SLC4A5: variants seen among roughly 807,000 people sequenced by gnomAD.
SLC4A5 encodes solute carrier family 4 member 5.
SLC4A5 carries 96 observed loss-of-function variants against 120.4 expected under a neutral mutation model. The ratio of observed to expected loss-of-function variants is 0.80; its 90% CI spans 0.68 to 0.94. The LOEUF is 0.94. Ranked by LOEUF, SLC4A5 falls within the 40% of genes least tolerant of loss-of-function variation. The pLI, the probability that SLC4A5 is intolerant of heterozygous loss-of-function variation, is 0.00. For synonymous variants in SLC4A5, 550 were observed against 571.1 expected (o/e 0.96, Z 0.53); for missense variants, 1,259 against 1,459.5 (o/e 0.86, Z 2.24).
intron 14 of SLC4A5, among the ~76,000 whole-genome samples, chr2:74,253,661 C>G (rs1173684947): frequency 6.6e-6 from 1 of 151,866 alleles, no homozygotes; most frequent in Non-Finnish European, 1.5e-5. Flanking sequence ...CATAAACACA[C>G]TCTTTGAGGC....
At chr2:74,273,662 C>A (rs1367059378) in intron 8 of SLC4A5, among the ~76,000 whole-genome samples, 1 of 152,200 alleles carries the variant, frequency 6.6e-6, no homozygotes, top group African/African-American at 2.4e-5. Context: ...GTAAGTTTTC[C>A]TTCAATATCC....
At chr2:74,329,732 T>C (rs548821926) in intron 4 of SLC4A5, among the ~76,000 whole-genome samples, 1 of 151,492 alleles carries the variant, frequency 6.6e-6, no homozygotes, top group East Asian at 2.0e-4. Context: ...GTATGGGGTA[T>C]AGATGGAGGT....
rs748816642 is a variant in SLC4A5, at chr2:74,259,514, A to G, written c.867+74T>C. The G allele has an allele frequency of 1.0e-4, 149 of 1,491,182 alleles. 1 individual carries two copies. The highest frequency in any genetic ancestry group is 1.4e-4 in the Non-Finnish European group (148 of 1,068,618). 92.4% of individuals were successfully genotyped at this position (1,491,182 alleles called of 1,614,324 possible). A position where few individuals can be genotyped will look rare whatever the true frequency, so the allele number is the denominator to read the frequency against. ...AGGAGTGGAACTCTGCCCATAGGGG[A>G]TCCCTGCTCCTGAAACCAAAGACTT... On this transcript the variant is annotated intron_variant, in intron 12 of 30. Transcript: ENST00000394019.
rs766847240 is a variant in SLC4A5 at position 74,230,288 on chromosome 2, A to G, written c.2847+948T>C. 4.1e-4 allele frequency among the ~76,000 whole-genome samples: 62 copies of G among 152,106 alleles called. 1 individual carries two copies. Among genetic ancestry groups the G allele is most frequent in the Non-Finnish European group, 1.6e-4 (11 of 68,010 alleles). On this transcript the variant is annotated intron_variant, in intron 25 of 30. Coordinates refer to ENST00000394019, the Ensembl canonical transcript of SLC4A5. ...TGATGGGCGATTGGCTGGAGTGGAG[A>G]GCAGGGAAGCCTGGTGGGAACACCT... is the stretch of plus-strand genomic sequence containing the variant.
At position 74,235,093 on chromosome 2, in the gene SLC4A5, G is replaced by A. The variant is rs771771754; in HGVS notation, c.2433+8C>T. 6.2e-7 allele frequency: 1 copy of A among 1,611,060 alleles called. No homozygotes were observed. The highest frequency in any genetic ancestry group is 1.1e-5 in the South Asian group (1 of 90,916). On this transcript the variant is annotated splice_region_variant and intron_variant, in intron 22 of 30. Coordinates refer to ENST00000394019, the Ensembl canonical transcript of SLC4A5. ...ACTGGATGCCCAGAGCGAGGGAAAGGGGCAAACCTTGATGACACTGGGCAC... is the reference window on the plus strand; with the variant it reads ...ACTGGATGCCCAGAGCGAGGGAAAGAGGCAAACCTTGATGACACTGGGCAC...
In SLC4A5 at chr2:74,244,108, C is replaced by G. The variant is rs116086609; in HGVS notation, c.2060-2056G>C. ...AAAGAAACCCTCCACAGTTCTCCCC[C>G]CTCATCCCAGTCTCCTAAATGTGTA... On this transcript the variant is annotated intron_variant, in intron 19 of 30. Coordinates refer to ENST00000394019, the Ensembl canonical transcript of SLC4A5. 7.3e-3 allele frequency among the ~76,000 whole-genome samples: 1,111 copies of G among 152,338 alleles called. 8 individuals are homozygous for G. The highest frequency in any genetic ancestry group is 0.024 in the Middle Eastern group (7 of 294).
At chr2:74,276,981 G>A (rs1671662735) in intron 8 of SLC4A5, among the ~76,000 whole-genome samples, 1 of 152,162 alleles carries the variant, frequency 6.6e-6, no homozygotes, top group Non-Finnish European at 1.5e-5. Context: ...CAGAAGCAGA[G>A]AGAAAGAGGA....
At chr2:74,324,566 T>A (rs1284772517) in intron 5 of SLC4A5, among the ~76,000 whole-genome samples, 1 of 152,168 alleles carries the variant, frequency 6.6e-6, no homozygotes, top group East Asian at 1.9e-4. Context: ...AAACCTCTAT[T>A]TTAAGAAAGT....
chr2:74,263,565 C>T (rs1291977787), intron 10 of SLC4A5, among the ~76,000 whole-genome samples: 3 of 152,196 alleles, frequency 2.0e-5, no homozygotes, highest in Non-Finnish European at 4.4e-5. Flanking sequence ...CAACAAGCCA[C>T]TCTCTCTAAA....
At chr2:74,247,084 G>T in exon 19 of SLC4A5, 1 of 1,614,172 alleles carries the variant, frequency 6.2e-7, no homozygotes, top group Non-Finnish European at 8.5e-7. Context: ...ATGAAGTTTG[G>T]CTTGAAGTCC....
chr2:74,262,277 G>C (rs1671164155), intron 10 of SLC4A5, 45 bp from the exon 11 acceptor site: 1 of 1,553,060 alleles, frequency 6.4e-7, no homozygotes, highest in Non-Finnish European at 8.9e-7. Flanking sequence ...AGCCTTGCTG[G>C]TGTAGCGAAG....
intron 19 of SLC4A5, among the ~76,000 whole-genome samples, chr2:74,242,285 C>T (rs144780427): frequency 1.9e-4 from 29 of 152,340 alleles, no homozygotes; most frequent in Non-Finnish European, 3.8e-4. Flanking sequence ...CCTGCCTGAC[C>T]ACGAACAGCT....
intron 23 of SLC4A5, 35 bp from the exon 24 acceptor site, chr2:74,232,682 TG>T (rs1558868817): frequency 7.5e-6 from 12 of 1,603,942 alleles, no homozygotes; most frequent in East Asian, 4.5e-5. Flanking sequence ...GAGAAGTTTC[TG>T]GGGAGCCAGT....
intron 6 of SLC4A5, among the ~76,000 whole-genome samples, chr2:74,306,035 T>C (rs1672633355): frequency 6.6e-6 from 1 of 152,158 alleles, no homozygotes; most frequent in African/African-American, 2.4e-5. Flanking sequence ...CAACCCCCTT[T>C]TTACTTACTA....
chr2:74,246,077 T>C (rs1173102251), intron 19 of SLC4A5, among the ~76,000 whole-genome samples: 3 of 152,204 alleles, frequency 2.0e-5, no homozygotes, highest in African/African-American at 7.2e-5. Context: ...CTGGGCACTC[T>C]GGGCACATCC....
intron 12 of SLC4A5, 84 bp downstream of exon 12, chr2:74,259,504 C>T: frequency 7.0e-7 from 1 of 1,432,814 alleles, no homozygotes; most frequent in African/African-American, 1.4e-5. Flanking sequence ...TGGAACTCTG[C>T]CCATAGGGGA....
chr2:74,255,866 C>T lies in SLC4A5; in HGVS notation c.934G>A (p.Val312Met), dbSNP rs1348592335. 5 of 1,614,206 alleles carry T rather than the reference C, an allele frequency of 3.1e-6. No homozygotes were observed. The highest frequency in any genetic ancestry group is 4.2e-6 in the Non-Finnish European group (5 of 1,180,048). The stretch of plus-strand genomic sequence containing the variant: ...ATGAATGGCTGGTCTAGGAAGTCCA[C>T]CTCGCCCACGAGCACGTTGGACGCT... The change falls in exon 13 of 31, where the codon GTG becomes ATG. Residue 312 changes from valine (V) to methionine (M), a missense_variant. Coordinates refer to ENST00000394019, the Ensembl canonical transcript of SLC4A5. This position sits in a 1 kb window ranked among gnomAD's most constrained non-coding sequence, Gnocchi z 4.0.
At position 74,328,660 on chromosome 2, in the gene SLC4A5, G is replaced by A. The variant is rs1673277158; in HGVS notation, c.-69-474C>T. On this transcript the variant is annotated intron_variant, in intron 4 of 30. Coordinates refer to ENST00000394019, the Ensembl canonical transcript of SLC4A5. ...CATTTCCAGGAACCTACAGATACGTGGGCCTGTTGTTATGTACTGGCATGA... is the reference window on the plus strand; with the variant it reads ...CATTTCCAGGAACCTACAGATACGTAGGCCTGTTGTTATGTACTGGCATGA... Among the ~76,000 whole-genome samples the A allele has an allele frequency of 3.9e-5, 6 of 152,140 alleles. No individual in the cohort carries two copies. The South Asian group carries it at 1.2e-3, about 31-fold the overall frequency.
chr2:74,308,206 T>A (rs766756417), intron 6 of SLC4A5, among the ~76,000 whole-genome samples: 1 of 152,264 alleles, frequency 6.6e-6, no homozygotes, highest in Non-Finnish European at 1.5e-5. Flanking sequence ...TAGGCTTCTA[T>A]GTGAACATAA....
Sources: gnomAD v4.1 joint callset for allele counts (sites outside exome capture counted in the v4.1 genomes callset) on GRCh38, gnomAD v4.1.1 for gene constraint, Gnocchi (gnomAD v3.1) non-coding constraint, MANE v1.5 for transcripts, NCBI Gene and HGNC (gene_info 2026-07-23, HGNC 2026-07-21) for gene names.